PDE3A: variants seen among roughly 807,000 people sequenced by gnomAD.
PDE3A encodes the protein cGMP-inhibited 3',5'-cyclic phosphodiesterase 3A.
A neutral mutation model predicts 98.3 loss-of-function variants in PDE3A; 43 were observed. The ratio of observed to expected loss-of-function variants is 0.44; its 90% CI spans 0.34 to 0.56. The LOEUF (loss-of-function observed/expected upper bound fraction) is 0.56, where lower values mean the gene tolerates loss of function less well. PDE3A is among the 20% of genes least tolerant of loss of function. The pLI, the probability that PDE3A is intolerant of heterozygous loss-of-function variation, is 0.01. For missense variants in PDE3A, 1,427 were observed against 1,440.7 expected, an observed-to-expected ratio of 0.99 and a Z score of 0.15; for synonymous variants, 663 against 567.9, an observed-to-expected ratio of 1.17 and a Z score of -2.38.
intron 1 of PDE3A, among the ~76,000 whole-genome samples, chr12:20,436,297 C>T (rs960619026): frequency 1.3e-5 from 2 of 151,558 alleles, no homozygotes; most frequent in South Asian, 2.1e-4. Context: ...CCTGGGAGAA[C>T]GGGGGATTGG....
intron 1 of PDE3A, among the ~76,000 whole-genome samples, chr12:20,394,112 G>C (rs953850957): frequency 2.6e-5 from 4 of 152,092 alleles, no homozygotes; most frequent in African/African-American, 9.7e-5. Flanking sequence ...ATATAGTGTA[G>C]AGGAAGGGCC....
intron 1 of PDE3A, among the ~76,000 whole-genome samples, chr12:20,419,954 G>C (rs1280542331): frequency 2.0e-5 from 3 of 152,064 alleles, no homozygotes; most frequent in Non-Finnish European, 4.4e-5. Flanking sequence ...GGCCAGGCTA[G>C]TCTCGAACTC....
At chr12:20,633,108 T>C (rs1944420122) in intron 6 of PDE3A, among the ~76,000 whole-genome samples, 1 of 151,918 alleles carries the variant, frequency 6.6e-6, no homozygotes, top group East Asian at 1.9e-4. Context: ...TCCACCACCC[T>C]GCCTGGCAAT....
chr12:20,450,125 A>G (rs1411076349), intron 1 of PDE3A: 4 of 437,528 alleles, frequency 9.1e-6, no homozygotes, highest in Non-Finnish European at 1.7e-5. Context: ...CCCAGAATGC[A>G]TCGCAGCCCA....
chr12:20,578,105 AC>A (rs1285942698), intron 2 of PDE3A, among the ~76,000 whole-genome samples: 6 of 152,184 alleles, frequency 3.9e-5, no homozygotes, highest in African/African-American at 1.4e-4. Flanking sequence ...ATTAGGTTTC[AC>A]TTTGTCTCTA....
At position 20,552,592 on chromosome 12, in the gene PDE3A, G is replaced by A; in HGVS notation, c.961-4068G>A. ...GTGGAAGCGGAAGTCGGCAGGAGGT[G>A]GCCCGAGCAGGGCCGGGTCCCCGCG... is the stretch of plus-strand genomic sequence containing the variant. On this transcript the variant is annotated intron_variant, in intron 1 of 15. Coordinates refer to ENST00000359062, the MANE Select transcript of PDE3A (RefSeq NM_000921.5). This position sits in a 1 kb window ranked among gnomAD's most constrained non-coding sequence, Gnocchi z 5.1. 3 of 1,613,792 alleles carry A rather than the reference G, an allele frequency of 1.9e-6. No individual in the cohort carries two copies. Among genetic ancestry groups the A allele is most frequent in the Non-Finnish European group, 1.7e-6 (2 of 1,179,850 alleles).
At chr12:20,468,059 T>C (rs181348705) in intron 1 of PDE3A, among the ~76,000 whole-genome samples, 119 of 150,454 alleles carry the variant, frequency 7.9e-4, no homozygotes, top group African/African-American at 2.9e-3. Flanking sequence ...GCCAGCTTTG[T>C]GATTTTGTCC....
intron 1 of PDE3A, among the ~76,000 whole-genome samples, chr12:20,504,441 T>G (rs1946078916): frequency 6.6e-6 from 1 of 152,128 alleles, no homozygotes. Context: ...ACTGTATTAG[T>G]TATCTATTGC....
At chr12:20,566,306 T>A (rs1942653338) in intron 2 of PDE3A, among the ~76,000 whole-genome samples, 1 of 151,926 alleles carries the variant, frequency 6.6e-6, no homozygotes, top group African/African-American at 2.4e-5. Context: ...ATTGGAAATC[T>A]GCAGGTTATC....
chr12:20,493,472 G>T (rs1028624073), intron 1 of PDE3A, among the ~76,000 whole-genome samples: 1 of 152,148 alleles, frequency 6.6e-6, no homozygotes, highest in African/African-American at 2.4e-5. Flanking sequence ...TATAGGTTAT[G>T]TGCACATACT....
rs1391906359 is a variant in PDE3A at position 20,421,640 on chromosome 12, G to A, written c.960+51396G>A. On this transcript the variant is annotated intron_variant, in intron 1 of 15. Coordinates refer to ENST00000359062, the MANE Select transcript of PDE3A (RefSeq NM_000921.5). ...ACCACCCATGCTCACTTTTGTGCTT[G>A]GGAACAGAATCTGTTTCTAACCTTT... is the stretch of plus-strand genomic sequence containing the variant. Among the ~76,000 whole-genome samples, 4 of 151,004 alleles carry A rather than the reference G, an allele frequency of 2.6e-5. No homozygotes were observed. The East Asian group carries it at 7.7e-4, about 29-fold the overall frequency.
intron 1 of PDE3A, among the ~76,000 whole-genome samples, chr12:20,376,370 A>G (rs1385695059): frequency 2.0e-5 from 3 of 151,900 alleles, no homozygotes; most frequent in Admixed American, 6.6e-5. Flanking sequence ...TCAGGCTGCT[A>G]ACTTTAACCC....
chr12:20,604,999 A>G lies in PDE3A; in HGVS notation c.1012-8444A>G, dbSNP rs1381394305. ...GTTGTGATTTTCTTTTTGAATCTTT[A>G]TAGTTGTATCTCCCCTACTTAAATC... On this transcript the variant is annotated intron_variant, in intron 2 of 15. Coordinates refer to ENST00000359062, the MANE Select transcript of PDE3A (RefSeq NM_000921.5). Among the ~76,000 whole-genome samples, 4 of 152,248 alleles carry G rather than the reference A, an allele frequency of 2.6e-5. No homozygotes were observed. In the South Asian group the frequency reaches 8.3e-4, roughly 32 times the overall value.
At chr12:20,428,783 G>A (rs1400152126) in intron 1 of PDE3A, among the ~76,000 whole-genome samples, 1 of 152,042 alleles carries the variant, frequency 6.6e-6, no homozygotes, top group Non-Finnish European at 1.5e-5. Flanking sequence ...TTATAAAGAA[G>A]TAGGTCAAAA....
chr12:20,559,403 C>T (rs1488794131), intron 2 of PDE3A, among the ~76,000 whole-genome samples: 1 of 151,338 alleles, frequency 6.6e-6, no homozygotes, highest in Admixed American at 6.6e-5. Flanking sequence ...ATTGGGAGGC[C>T]GAGGCAGGCA....
chr12:20,370,412 T>TGG, intron 1 of PDE3A, 168 bp downstream of exon 1: 2 of 454,260 alleles, frequency 4.4e-6, no homozygotes, highest in Non-Finnish European at 7.2e-6. Context: ...TTTTTTTGTT[T>TGG]TTTTTTTTTT....
chr12:20,655,651 G>A (rs745795672), intron 15 of PDE3A, among the ~76,000 whole-genome samples: 57 of 152,194 alleles, frequency 3.7e-4, no homozygotes, highest in Non-Finnish European at 6.5e-4. Flanking sequence ...GACAAGCTTG[G>A]AAGGTGGGAC....
At chr12:20,671,520 C>A (rs1422206889) in intron 15 of PDE3A, among the ~76,000 whole-genome samples, 4 of 151,540 alleles carry the variant, frequency 2.6e-5, no homozygotes, top group Admixed American at 6.6e-5. Context: ...TGGGCTTCAT[C>A]CCTGGGATGC....
At chr12:20,546,737 G>A (rs1942070280) in intron 1 of PDE3A, among the ~76,000 whole-genome samples, 1 of 152,058 alleles carries the variant, frequency 6.6e-6, no homozygotes, top group Non-Finnish European at 1.5e-5. Context: ...CATATGTAAA[G>A]GGACAATAAA....
Sources: allele counts gnomAD v4.1 joint callset (sites outside exome capture counted in the v4.1 genomes callset), GRCh38; gene constraint gnomAD v4.1.1; non-coding constraint Gnocchi (gnomAD v3.1); transcripts MANE v1.5; gene names NCBI Gene and HGNC (gene_info 2026-07-23, HGNC 2026-07-21).